CDYL: variants seen among roughly 807,000 people sequenced by gnomAD.
CDYL encodes chromodomain Y like, also known as chromodomain Y-like protein.
A neutral mutation model predicts 47.3 loss-of-function variants in CDYL; 8 were observed. The observed-to-expected ratio is 0.17, with a 90% CI of 0.10 to 0.31. The LOEUF is 0.31. Among genes scored for constraint, CDYL ranks in the 10% least tolerant of loss-of-function variants. The pLI is 1.00. For missense variants in CDYL, 471 were observed against 701.4 expected (o/e 0.67, Z 3.71); for synonymous variants, 266 against 265.0 (o/e 1.00, Z -0.04).
At chr6:4,820,096 G>A (rs1043076306) in intron 1 of CDYL, among the ~76,000 whole-genome samples, 9 of 152,160 alleles carry the variant, frequency 5.9e-5, no homozygotes, top group African/African-American at 1.9e-4. Context: ...GTTCTCTGTG[G>A]TGATTCATCC....
At chr6:4,890,694 G>A (rs372040600) in intron 1 of CDYL, among the ~76,000 whole-genome samples, 18 of 152,276 alleles carry the variant, frequency 1.2e-4, no homozygotes, top group South Asian at 4.1e-4. Flanking sequence ...CCACAGTTTC[G>A]CCTGACCTAC....
chr6:4,747,070 A>G (rs1181726040), intron 3 of CDYL, among the ~76,000 whole-genome samples: 2 of 152,124 alleles, frequency 1.3e-5, no homozygotes, highest in African/African-American at 4.8e-5. Flanking sequence ...GCACTTTGGG[A>G]GGTCGAGGCG....
intron 1 of CDYL, among the ~76,000 whole-genome samples, chr6:4,859,746 T>C (rs553178864): frequency 6.6e-6 from 1 of 152,304 alleles, no homozygotes; most frequent in South Asian, 2.1e-4. Flanking sequence ...GGCATCTGTT[T>C]GCCAGCACCA....
At chr6:4,806,469 A>G (rs1759373182) in intron 1 of CDYL, among the ~76,000 whole-genome samples, 1 of 152,238 alleles carries the variant, frequency 6.6e-6, no homozygotes. Flanking sequence ...GTTTCGCAGC[A>G]AAGTTGTAAA....
At chr6:4,730,479 A>G (rs113936162) in intron 2 of CDYL, among the ~76,000 whole-genome samples, 13,572 of 152,086 alleles carry the variant, frequency 0.089, 669 homozygotes, top group African/African-American at 0.12. Context: ...GTTCAAGACC[A>G]GCCTGACCAA....
At chr6:4,828,059 G>C (rs1760027946) in intron 1 of CDYL, among the ~76,000 whole-genome samples, 1 of 152,104 alleles carries the variant, frequency 6.6e-6, no homozygotes, top group Admixed American at 6.5e-5. Context: ...CATTACCAGA[G>C]AGCTTTATTT....
At chr6:4,868,562 A>G (rs370868085) in intron 1 of CDYL, among the ~76,000 whole-genome samples, 1 of 152,092 alleles carries the variant, frequency 6.6e-6, no homozygotes, top group African/African-American at 2.4e-5. Flanking sequence ...GTCCTGTTTT[A>G]TGGCCTACAT....
intron 1 of CDYL, among the ~76,000 whole-genome samples, chr6:4,868,128 T>A (rs971853423): frequency 6.6e-6 from 1 of 151,892 alleles, no homozygotes; most frequent in African/African-American, 2.4e-5. Context: ...GGATCTTTAT[T>A]GTTTCCTCTC....
intron 2 of CDYL, among the ~76,000 whole-genome samples, chr6:4,897,417 G>C (rs1206380071): frequency 6.6e-6 from 1 of 152,192 alleles, no homozygotes; most frequent in Admixed American, 6.5e-5. Context: ...AGAAAGTGTT[G>C]AGGAAAACCT....
At chr6:4,773,190 T>C (rs201276675), upstream of CDYL, 213 of 457,390 alleles carry the variant, frequency 4.7e-4, no homozygotes, top group African/African-American at 3.8e-3. The surrounding 1 kb of genome is among the most constrained non-coding windows in gnomAD (Gnocchi z 4.6). Context: ...TAAGAATCGT[T>C]TATTGCTGGT....
intron 1 of CDYL, among the ~76,000 whole-genome samples, chr6:4,889,483 A>G (rs984170897): frequency 2.6e-5 from 4 of 152,044 alleles, no homozygotes; most frequent in African/African-American, 7.3e-5. Flanking sequence ...TTGGCCTCCC[A>G]AAGTGCTGGA....
chr6:4,750,291 C>T (rs896223378), intron 3 of CDYL, among the ~76,000 whole-genome samples: 5 of 152,170 alleles, frequency 3.3e-5, no homozygotes, highest in Non-Finnish European at 7.4e-5. Context: ...CAACCTCCAC[C>T]TCCCGGGTTC....
At chr6:4,856,090 T>A (rs533991988) in intron 1 of CDYL, among the ~76,000 whole-genome samples, 1 of 152,224 alleles carries the variant, frequency 6.6e-6, no homozygotes, top group Non-Finnish European at 1.5e-5. Flanking sequence ...TCAGCAAATG[T>A]GCCTCCTTTG....
chr6:4,873,202 G>C (rs905318760), intron 1 of CDYL, among the ~76,000 whole-genome samples: 1 of 152,134 alleles, frequency 6.6e-6, no homozygotes, highest in Non-Finnish European at 1.5e-5. Flanking sequence ...AATAGGACTT[G>C]TCGGTATCAT....
intron 1 of CDYL, among the ~76,000 whole-genome samples, chr6:4,713,918 C>T (rs374271590): frequency 4.7e-4 from 72 of 152,264 alleles, no homozygotes; most frequent in African/African-American, 1.7e-3. Flanking sequence ...TAACTAATAT[C>T]TAATAGGTAA....
intron 2 of CDYL, among the ~76,000 whole-genome samples, chr6:4,722,154 G>A (rs1416386481): frequency 6.6e-6 from 1 of 152,164 alleles, no homozygotes; most frequent in East Asian, 1.9e-4. Flanking sequence ...CGCCCGGCCA[G>A]AGAAATATTT....
At chr6:4,935,463 G>A (rs909958409) in intron 2 of CDYL, 52 bp from the exon 3 acceptor site, 14 of 1,487,704 alleles carry the variant, frequency 9.4e-6, no homozygotes, top group Non-Finnish European at 1.3e-5. Flanking sequence ...ACACCTGGGA[G>A]TGAACTGGTG....
intron 1 of CDYL, among the ~76,000 whole-genome samples, chr6:4,814,527 A>G (rs73364539): frequency 0.046 from 6,940 of 152,044 alleles, 537 homozygotes; most frequent in African/African-American, 0.16. Flanking sequence ...GTATTTTGTT[A>G]TTGTTGTTGT....
intron 1 of CDYL, chr6:4,714,695 A>G (rs1240196621): frequency 6.6e-6 from 1 of 152,242 alleles, no homozygotes; most frequent in African/African-American, 2.4e-5. Context: ...ATTGTGAAGT[A>G]GACGACCAGC....
Sources: allele counts gnomAD v4.1 joint callset (sites outside exome capture counted in the v4.1 genomes callset), GRCh38; gene constraint gnomAD v4.1.1; non-coding constraint Gnocchi (gnomAD v3.1); transcripts MANE v1.5; gene names NCBI Gene and HGNC (gene_info 2026-07-23, HGNC 2026-07-21).